TTC28: variants seen among roughly 807,000 people sequenced by gnomAD.
TTC28 encodes tetratricopeptide repeat domain 28.
TTC28 carries 61 observed loss-of-function variants against 198.0 expected under a neutral mutation model. That is an observed-to-expected ratio of 0.31 (90% CI 0.25 to 0.38). The LOEUF (loss-of-function observed/expected upper bound fraction) is 0.38, where lower values mean the gene tolerates loss of function less well. Ranked by LOEUF, TTC28 falls within the 10% of genes least tolerant of loss-of-function variation. The pLI is 1.00. For missense variants in TTC28, 2,678 were observed against 3,164.0 expected (o/e 0.85, Z 3.69); for synonymous variants, 1,171 against 1,297.8 (o/e 0.90, Z 2.10).
In TTC28 at chr22:28,098,976, G is replaced by A. The variant is rs1942056794; in HGVS notation, c.3486C>T (p.Leu1162=). The A allele has an allele frequency of 6.4e-7, 1 of 1,551,756 alleles. No homozygotes were observed. The highest frequency in any genetic ancestry group is 2.0e-5 in the Admixed American group (1 of 50,988). ...ATGATGTCTGCAGGTCAAAGAGGGAGAGTTTGTAGTCCGTGCTCAGCTGTG... is the reference window on the plus strand; with the variant it reads ...ATGATGTCTGCAGGTCAAAGAGGGAAAGTTTGTAGTCCGTGCTCAGCTGTG... ...HEAQLSTDYK[L]SLFDLQTSSY... The change falls in exon 10 of 23, where the codon CTC becomes CTT. Residue 1162 remains leucine, a synonymous_variant. Coordinates refer to ENST00000397906, the MANE Select transcript of TTC28 (RefSeq NM_001145418.2).
intron 5 of TTC28, among the ~76,000 whole-genome samples, chr22:28,203,249 T>C (rs1003586038): frequency 6.6e-6 from 1 of 152,124 alleles, no homozygotes; most frequent in African/African-American, 2.4e-5. Context: ...AGCTTGTTTC[T>C]TGATTTGTAA....
At chr22:28,539,635 C>CA (rs1017246741) in intron 2 of TTC28, among the ~76,000 whole-genome samples, 241 of 124,198 alleles carry the variant, frequency 1.9e-3, no homozygotes, top group South Asian at 8.1e-3. Context: ...GACACTGTCT[C>CA]AAAAAAAAAA....
intron 2 of TTC28, among the ~76,000 whole-genome samples, chr22:28,429,601 C>A (rs1404091261): frequency 6.6e-6 from 1 of 152,198 alleles, no homozygotes; most frequent in Non-Finnish European, 1.5e-5. Context: ...TGTCTCCCAT[C>A]TAGACATATG....
At chr22:28,568,395 A>G (rs554007082) in intron 2 of TTC28, among the ~76,000 whole-genome samples, 30 of 152,334 alleles carry the variant, frequency 2.0e-4, no homozygotes, top group African/African-American at 7.0e-4. Context: ...AATAAAAGAC[A>G]TACAAATAGG....
At chr22:28,018,129 G>A (rs554596018) in intron 13 of TTC28, among the ~76,000 whole-genome samples, 1 of 152,134 alleles carries the variant, frequency 6.6e-6, no homozygotes, top group African/African-American at 2.4e-5. Context: ...ACAGTTCCTG[G>A]GCACTGACCC....
At chr22:28,498,043 C>T (rs972288332) in intron 2 of TTC28, among the ~76,000 whole-genome samples, 9 of 151,410 alleles carry the variant, frequency 5.9e-5, no homozygotes, top group African/African-American at 2.2e-4. Context: ...AAATTTCCAA[C>T]GACAGAGTAG....
chr22:28,030,915 C>T (rs1433273299), intron 12 of TTC28, among the ~76,000 whole-genome samples: 1 of 152,246 alleles, frequency 6.6e-6, no homozygotes, highest in South Asian at 2.1e-4. Context: ...GGTTGCAATG[C>T]TAGCAGGGCA....
chr22:28,088,936 G>C (rs1482614652), intron 12 of TTC28, among the ~76,000 whole-genome samples: 4 of 152,218 alleles, frequency 2.6e-5, no homozygotes, highest in African/African-American at 9.6e-5. Flanking sequence ...CTGGCCATCA[G>C]AGAAATGCAA....
At chr22:28,258,476 A>G (rs1931106908) in intron 5 of TTC28, among the ~76,000 whole-genome samples, 1 of 152,160 alleles carries the variant, frequency 6.6e-6, no homozygotes, top group African/African-American at 2.4e-5. Flanking sequence ...AAATTTCCCA[A>G]TTATTTTTAT....
At chr22:28,035,188 C>A (rs1422027274) in intron 12 of TTC28, among the ~76,000 whole-genome samples, 2 of 152,134 alleles carry the variant, frequency 1.3e-5, no homozygotes, top group Non-Finnish European at 2.9e-5. Flanking sequence ...CCATTCCCCA[C>A]CCCCCTCCAG....
intron 1 of TTC28, among the ~76,000 whole-genome samples, chr22:28,645,839 T>C (rs1396663771): frequency 6.6e-6 from 1 of 152,146 alleles, no homozygotes; most frequent in Non-Finnish European, 1.5e-5. Flanking sequence ...CTCGGCTCAC[T>C]GCAACCTCCA....
chr22:28,447,687 G>C (rs1201678881), intron 2 of TTC28, among the ~76,000 whole-genome samples: 1 of 152,172 alleles, frequency 6.6e-6, no homozygotes, highest in African/African-American at 2.4e-5. Flanking sequence ...ATTTAAACTG[G>C]GGGTGGGAAT....
chr22:28,516,865 T>C (rs998384382), intron 2 of TTC28, among the ~76,000 whole-genome samples: 1 of 152,196 alleles, frequency 6.6e-6, no homozygotes, highest in Non-Finnish European at 1.5e-5. Flanking sequence ...TTCATATACA[T>C]ACGTGAAAAC....
intron 2 of TTC28, among the ~76,000 whole-genome samples, chr22:28,609,235 C>T (rs915483742): frequency 5.3e-5 from 8 of 152,028 alleles, no homozygotes; most frequent in Admixed American, 3.9e-4. Context: ...TTTTGAAAAA[C>T]CAAATAATTC....
intron 2 of TTC28, among the ~76,000 whole-genome samples, chr22:28,492,959 A>G (rs1482851757): frequency 6.6e-6 from 1 of 152,006 alleles, no homozygotes; most frequent in Non-Finnish European, 1.5e-5. Flanking sequence ...AAGTCAGCTT[A>G]AAGAGGCTTA....
At chr22:28,652,473 T>C (rs979536024) in intron 1 of TTC28, among the ~76,000 whole-genome samples, 2 of 152,206 alleles carry the variant, frequency 1.3e-5, no homozygotes, top group African/African-American at 4.8e-5. Context: ...ATCTCAATAA[T>C]CTTAGTCTAT....
chr22:28,035,937 G>C (rs1601542940), intron 12 of TTC28, among the ~76,000 whole-genome samples: 1 of 152,126 alleles, frequency 6.6e-6, no homozygotes, highest in Non-Finnish European at 1.5e-5. Context: ...AAGAAGAGCT[G>C]ACTCTCCTAA....
At chr22:28,405,481 C>T (rs769600277) in intron 2 of TTC28, among the ~76,000 whole-genome samples, 2 of 152,014 alleles carry the variant, frequency 1.3e-5, no homozygotes, top group Non-Finnish European at 2.9e-5. Context: ...CATGACCTAC[C>T]ACAAAAAGGA....
At chr22:28,448,336 A>T (rs1041950726) in intron 2 of TTC28, among the ~76,000 whole-genome samples, 1 of 152,220 alleles carries the variant, frequency 6.6e-6, no homozygotes, top group Non-Finnish European at 1.5e-5. Context: ...ATCTTTTTCC[A>T]TTGTAAATTT....
Sources: gnomAD v4.1 joint callset for allele counts (sites outside exome capture counted in the v4.1 genomes callset) on GRCh38, gnomAD v4.1.1 for gene constraint, MANE v1.5 for transcripts, NCBI Gene and HGNC (gene_info 2026-07-23, HGNC 2026-07-21) for gene names.